PLCB1: variants seen among roughly 807,000 people sequenced by gnomAD.
PLCB1 encodes the protein 1-phosphatidylinositol 4,5-bisphosphate phosphodiesterase beta-1.
PLCB1 carries 46 observed loss-of-function variants against 161.8 expected under a neutral mutation model. That is an observed-to-expected ratio of 0.28 (90% CI 0.22 to 0.36). The LOEUF (loss-of-function observed/expected upper bound fraction) is 0.36, where lower values mean the gene tolerates loss of function less well. Ranked by LOEUF, PLCB1 falls within the 10% of genes least tolerant of loss-of-function variation. The pLI, the probability that PLCB1 is intolerant of heterozygous loss-of-function variation, is 1.00. For synonymous variants in PLCB1, 517 were observed against 503.7 expected (o/e 1.03, Z -0.35); for missense variants, 1,016 against 1,472.5 (o/e 0.69, Z 5.07).
At chr20:8,136,287 G>A (rs1326620347) in intron 1 of PLCB1, among the ~76,000 whole-genome samples, 2 of 152,092 alleles carry the variant, frequency 1.3e-5, no homozygotes, top group Non-Finnish European at 2.9e-5. Context: ...GCATTGCTTT[G>A]TATAAAGCCT....
At chr20:8,250,426 A>T (rs980235102) in intron 2 of PLCB1, among the ~76,000 whole-genome samples, 1 of 151,754 alleles carries the variant, frequency 6.6e-6, no homozygotes, top group Non-Finnish European at 1.5e-5. Context: ...ATTATTTGTA[A>T]TCTGTTGGGT....
At chr20:8,490,974 T>A (rs1982924133) in intron 3 of PLCB1, among the ~76,000 whole-genome samples, 1 of 151,680 alleles carries the variant, frequency 6.6e-6, no homozygotes, top group African/African-American at 2.4e-5. Flanking sequence ...TTTAGATATA[T>A]GATTTTTCAA....
intron 2 of PLCB1, among the ~76,000 whole-genome samples, chr20:8,207,765 G>A (rs1219604849): frequency 6.6e-6 from 1 of 151,912 alleles, no homozygotes; most frequent in Admixed American, 6.6e-5. Flanking sequence ...ATATTTAGTA[G>A]AGACAAGGTC....
At chr20:8,668,537 G>A (rs1323749129) in intron 9 of PLCB1, among the ~76,000 whole-genome samples, 1 of 152,138 alleles carries the variant, frequency 6.6e-6, no homozygotes, top group Non-Finnish European at 1.5e-5. Flanking sequence ...AGCCAACTTT[G>A]AAAGAAGATT....
At chr20:8,187,890 G>A (rs1300478436) in intron 2 of PLCB1, among the ~76,000 whole-genome samples, 2 of 152,180 alleles carry the variant, frequency 1.3e-5, no homozygotes, top group Admixed American at 1.3e-4. Context: ...GTACATATAT[G>A]TATGTTAAAA....
At chr20:8,521,802 A>G (rs1057007246) in intron 3 of PLCB1, among the ~76,000 whole-genome samples, 1 of 152,220 alleles carries the variant, frequency 6.6e-6, no homozygotes. Context: ...TAACTCAGCT[A>G]TTTTATCATA....
intron 2 of PLCB1, among the ~76,000 whole-genome samples, chr20:8,322,523 C>G (rs1318755040): frequency 1.4e-5 from 2 of 145,602 alleles, no homozygotes; most frequent in African/African-American, 5.3e-5. Flanking sequence ...ATAGTTCTTG[C>G]TGATAGTGCC....
intron 9 of PLCB1, among the ~76,000 whole-genome samples, chr20:8,681,825 A>C (rs1990228862): frequency 6.6e-6 from 1 of 152,236 alleles, no homozygotes; most frequent in Non-Finnish European, 1.5e-5. Flanking sequence ...GAATCAAACA[A>C]AATGCTGCTG....
chr20:8,677,184 G>A (rs192164879), intron 9 of PLCB1, among the ~76,000 whole-genome samples: 4 of 152,036 alleles, frequency 2.6e-5, no homozygotes, highest in East Asian at 3.9e-4. Context: ...ACCTGAGGTC[G>A]GGAGTTTGAG....
intron 2 of PLCB1, among the ~76,000 whole-genome samples, chr20:8,366,268 G>A (rs1055559524): frequency 1.3e-5 from 2 of 151,982 alleles, no homozygotes; most frequent in African/African-American, 4.8e-5. Flanking sequence ...AGATCACAGG[G>A]TATATATGTG....
At chr20:8,575,505 G>A (rs114533618) in intron 3 of PLCB1, among the ~76,000 whole-genome samples, 2,970 of 152,294 alleles carry the variant, frequency 0.02, 95 homozygotes, top group African/African-American at 0.068. Flanking sequence ...TGGACAGAAC[G>A]TTCCTTTTGT....
intron 2 of PLCB1, among the ~76,000 whole-genome samples, chr20:8,174,558 G>GC (rs1485376922): frequency 6.6e-6 from 1 of 152,148 alleles, no homozygotes; most frequent in Admixed American, 6.5e-5. Flanking sequence ...ATGTGTGCAA[G>GC]CAATAGACCA....
chr20:8,385,039 C>T (rs1987382545), intron 3 of PLCB1, among the ~76,000 whole-genome samples: 1 of 152,210 alleles, frequency 6.6e-6, no homozygotes, highest in Non-Finnish European at 1.5e-5. Flanking sequence ...TTTAATGAAG[C>T]ACTTTGACTG....
chr20:8,519,363 G>A lies in PLCB1; in HGVS notation c.247-108931G>A, dbSNP rs139536728. 1.1e-3 allele frequency among the ~76,000 whole-genome samples: 172 copies of A among 152,192 alleles called. No individual in the cohort carries two copies. The South Asian group carries it at 0.017, about 15-fold the overall frequency. On this transcript the variant is annotated intron_variant, in intron 3 of 31. Transcript: ENST00000338037. Reference sequence around the variant, plus strand: ...AGGAAAGATAAGGAAAAACTTCTCCGATGAAGGGACTTTAATCTGACATCA... The same window carrying A: ...AGGAAAGATAAGGAAAAACTTCTCCAATGAAGGGACTTTAATCTGACATCA...
At chr20:8,244,662 A>G (rs1980787679) in intron 2 of PLCB1, among the ~76,000 whole-genome samples, 1 of 151,914 alleles carries the variant, frequency 6.6e-6, no homozygotes, top group African/African-American at 2.4e-5. Flanking sequence ...GTACATATGC[A>G]AACACTCATC....
chr20:8,480,645 C>T (rs984335634), intron 3 of PLCB1, among the ~76,000 whole-genome samples: 1 of 152,106 alleles, frequency 6.6e-6, no homozygotes, highest in African/African-American at 2.4e-5. Flanking sequence ...CAGATGCTCC[C>T]CCAGGATCTG....
intron 23 of PLCB1, among the ~76,000 whole-genome samples, chr20:8,754,843 A>C (rs553565588): frequency 1.3e-5 from 2 of 152,260 alleles, no homozygotes; most frequent in African/African-American, 4.8e-5. Flanking sequence ...AGCCAAAGAA[A>C]ATGCATCCAT....
chr20:8,628,519 G>A lies in PLCB1; in HGVS notation c.384+88G>A, dbSNP rs952288664. The A allele has an allele frequency of 2.9e-6, 4 of 1,384,974 alleles. No homozygotes were observed. In the African/African-American group the frequency reaches 4.3e-5, roughly 15 times the overall value. 85.8% of individuals were successfully genotyped at this position (1,384,974 alleles called of 1,614,324 possible). A position where few individuals can be genotyped will look rare whatever the true frequency, so the allele number is the denominator to read the frequency against. On this transcript the variant is annotated intron_variant, in intron 4 of 31. Transcript: ENST00000338037. ...AATGCCTGCAAAAGACTGAATTTTTGTCATATTTAGCATGTGTTAAAATTT... is the reference window on the plus strand; with the variant it reads ...AATGCCTGCAAAAGACTGAATTTTTATCATATTTAGCATGTGTTAAAATTT...
intron 2 of PLCB1, among the ~76,000 whole-genome samples, chr20:8,179,846 CTTTTTTTTTTTT>C (rs35174594): frequency 4.2e-5 from 3 of 71,418 alleles, no homozygotes; most frequent in Admixed American, 4.0e-4. Context: ...TTGTTGAGGG[CTTTTTTTTTTTT>C]TTTTTTTTTT....
Sources: allele counts gnomAD v4.1 joint callset (sites outside exome capture counted in the v4.1 genomes callset), GRCh38; gene constraint gnomAD v4.1.1; transcripts MANE v1.5; gene names NCBI Gene and HGNC (gene_info 2026-07-23, HGNC 2026-07-21).